Variants in VPS4B observed in about 807,000 individuals in gnomAD.
VPS4B encodes the protein vacuolar protein sorting 4 homolog B.
VPS4B carries 23 observed loss-of-function variants against 56.1 expected under a neutral mutation model. That is an observed-to-expected ratio of 0.41 (90% CI 0.30 to 0.58). The LOEUF is 0.58. Among genes scored for constraint, VPS4B ranks in the 20% least tolerant of loss-of-function variants. The pLI is 0.29. For missense variants in VPS4B, 372 were observed against 531.9 expected (o/e 0.70, Z 2.96); for synonymous variants, 177 against 186.0 (o/e 0.95, Z 0.39).
intron 2 of VPS4B, 110 bp from the exon 3 acceptor site, chr18:63,410,556 G>A (rs1916017760): frequency 7.3e-7 from 1 of 1,372,492 alleles, no homozygotes; most frequent in African/African-American, 1.5e-5. Flanking sequence ...TTGGAAGAAG[G>A]AGGGAAGATC....
intron 3 of VPS4B, 73 bp downstream of exon 3, chr18:63,410,217 G>C: frequency 3.8e-6 from 6 of 1,581,912 alleles, no homozygotes; most frequent in Non-Finnish European, 5.1e-6. Flanking sequence ...GCTGACACCT[G>C]TTTTAATCAA....
In VPS4B at chr18:63,422,357, G is replaced by C. The variant is rs1310761100; in HGVS notation, c.-98C>G. The C allele has an allele frequency of 5.7e-6, 7 of 1,226,534 alleles. No homozygotes were observed. The African/African-American group carries it at 9.5e-5, about 17-fold the overall frequency. 76.0% of individuals were successfully genotyped at this position (1,226,534 alleles called of 1,614,324 possible). On this transcript the variant is annotated 5_prime_UTR_variant, in exon 1 of 11. Coordinates refer to ENST00000238497, the MANE Select transcript of VPS4B (RefSeq NM_004869.4). ...ACGGGGTAACAGCCCTCAAACTGGG[G>C]AGGCCGGTGGTTCTCGGACCGCGAA...
At chr18:63,402,612 A>G (rs1188511707) in intron 5 of VPS4B, among the ~76,000 whole-genome samples, 1 of 152,260 alleles carries the variant, frequency 6.6e-6, no homozygotes, top group African/African-American at 2.4e-5. Flanking sequence ...AAAATTAGTA[A>G]TGGTACACAT....
rs1915488972 is a variant in VPS4B, at chr18:63,389,257, T to C, written c.*1718A>G. 1 of 152,282 alleles carries C rather than the reference T, an allele frequency of 6.6e-6. No homozygotes were observed. The highest frequency in any genetic ancestry group is 2.1e-4 in the South Asian group (1 of 4,828). The allele number at this position is 152,282 out of a possible 1,614,324, so 9.4% of individuals were successfully genotyped here. On this transcript the variant is annotated 3_prime_UTR_variant, in exon 11 of 11. Transcript: ENST00000238497. Reference sequence around the variant, plus strand: ...TAACCAATTTAGGTAATATTTTCTTTTACACAGAAGGTCCCAAAATAAAGA... The same window carrying C: ...TAACCAATTTAGGTAATATTTTCTTCTACACAGAAGGTCCCAAAATAAAGA...
chr18:63,400,779 G>GA, intron 5 of VPS4B, 76 bp from the exon 6 acceptor site: 1 of 1,404,118 alleles, frequency 7.1e-7, no homozygotes, highest in Non-Finnish European at 9.7e-7. Flanking sequence ...GAATACTCTG[G>GA]AAAGATTTTC....
Position 63,403,781 on chromosome 18 carries a change from G to A in VPS4B, c.410C>T (p.Ala137Val), listed in dbSNP as rs753435564. The change falls in exon 5 of 11, where the codon GCT becomes GTT. Residue 137 changes from alanine (A) to valine (V), a missense_variant. This residue lies in a region of VPS4B where 153 missense variants were observed against 190.3 expected (regional missense o/e 0.80). Coordinates refer to ENST00000238497, the MANE Select transcript of VPS4B (RefSeq NM_004869.4). ...TGCTTCTTTGGCTCCTTCAAGTCCA[G>A]CAACGTCACTCCATTTCACATTTGG... ...ERPNVKWSDV[A>V]GLEGAKEALK... 3.1e-6 allele frequency: 5 copies of A among 1,613,122 alleles called. No homozygotes were observed. The Admixed American group carries it at 8.3e-5, about 27-fold the overall frequency.
rs1165356264 is a variant in VPS4B at position 63,400,121 on chromosome 18, G to A, written c.717C>T (p.Leu239=). The change falls in exon 7 of 11, where the codon CTC becomes CTT. Residue 239 remains leucine, a synonymous_variant. Coordinates refer to ENST00000238497, the MANE Select transcript of VPS4B (RefSeq NM_004869.4). ...SIIFIDEIDS[L]CGSRSENESE... The stretch of plus-strand genomic sequence containing the variant: ...TTTCATTTTCACTTCTTGAACCACA[G>A]AGAGAATCAATTTCATCAATGAAGA... The A allele has an allele frequency of 3.7e-6, 6 of 1,613,584 alleles. No homozygotes were observed. The highest frequency in any genetic ancestry group is 4.2e-6 in the Non-Finnish European group (5 of 1,179,878).
At chr18:63,396,154 C>T (rs1335315421) in intron 9 of VPS4B, among the ~76,000 whole-genome samples, 1 of 152,074 alleles carries the variant, frequency 6.6e-6, no homozygotes, top group African/African-American at 2.4e-5. Context: ...AGCAGCCTTA[C>T]ATCTGTACAT....
chr18:63,419,089 C>T (rs1916233416), intron 1 of VPS4B, among the ~76,000 whole-genome samples: 1 of 152,136 alleles, frequency 6.6e-6, no homozygotes, highest in African/African-American at 2.4e-5. Context: ...ACCCAGAAAT[C>T]TGGGAGAAAA....
At chr18:63,409,033 C>A (rs1915976332) in intron 3 of VPS4B, among the ~76,000 whole-genome samples, 1 of 152,132 alleles carries the variant, frequency 6.6e-6, no homozygotes, top group African/African-American at 2.4e-5. Flanking sequence ...CTGTTTTATA[C>A]CAAATGTCCT....
chr18:63,406,022 C>T (rs1416449465), intron 4 of VPS4B, among the ~76,000 whole-genome samples: 3 of 152,016 alleles, frequency 2.0e-5, no homozygotes, highest in South Asian at 2.1e-4. Flanking sequence ...TGTATCTTTT[C>T]GAAAATTAAA....
At chr18:63,404,829 T>C (rs940754047) in intron 4 of VPS4B, 1 of 152,190 alleles carries the variant, frequency 6.6e-6, no homozygotes, top group South Asian at 2.1e-4. Flanking sequence ...GACTAGTTAC[T>C]AGCAACTTAC....
intron 1 of VPS4B, among the ~76,000 whole-genome samples, chr18:63,418,415 AT>A (rs879324994): frequency 3.0e-3 from 431 of 143,854 alleles, no homozygotes; most frequent in Middle Eastern, 3.6e-3. Context: ...TAGTTTTAGT[AT>A]TTTTTTTTTT....
chr18:63,414,840 C>T (rs1257632596), intron 1 of VPS4B, among the ~76,000 whole-genome samples: 1 of 152,230 alleles, frequency 6.6e-6, no homozygotes, highest in East Asian at 1.9e-4. Flanking sequence ...TTCAGTCAGG[C>T]CTCACTGAGG....
At chr18:63,399,393 C>CT in intron 7 of VPS4B, 70 bp from the exon 8 acceptor site, 1 of 1,372,436 alleles carries the variant, frequency 7.3e-7, no homozygotes, top group East Asian at 2.3e-5. Flanking sequence ...TCCATATATT[C>CT]TGTTAAGAAA....
At chr18:63,397,360 T>C (rs1158513304) in intron 8 of VPS4B, 107 bp from the exon 9 acceptor site, 1 of 1,018,268 alleles carries the variant, frequency 9.8e-7, no homozygotes, top group Non-Finnish European at 1.4e-6. Flanking sequence ...AGGTTAAACA[T>C]ATATATTTAG....
chr18:63,411,474 G>A lies in VPS4B; in HGVS notation c.132C>T (p.Val44=), dbSNP rs940686191. 10 of 1,548,766 alleles carry A rather than the reference G, an allele frequency of 6.5e-6. No homozygotes were observed. In the African/African-American group the frequency reaches 8.2e-5, roughly 13 times the overall value. Residue 44 remains valine (V), a synonymous_variant, in exon 2 of 11, where the codon GTC becomes GTT. Transcript: ENST00000238497. ...TATAACCTATGGCCTCACATTTAACGACATGAAGAAAATACTGCACAGCAT... is the reference window on the plus strand; with the variant it reads ...TATAACCTATGGCCTCACATTTAACAACATGAAGAAAATACTGCACAGCAT... The part of the protein sequence containing the change: ...YQHAVQYFLH[V]VKYEAQGDKA...
At position 63,410,291 on chromosome 18, in the gene VPS4B, C is replaced by A; in HGVS notation, c.295G>T (p.Gly99Trp). ...AATTGAACAATTTTAAACACGTACC[C>A]CTTCTCATCTGCTGGACTCGGCTGT... is the stretch of plus-strand genomic sequence containing the variant. ...EGQPSPADEK[G>W]NDSDGEGESD... Residue 99 changes from glycine to tryptophan, a missense_variant and splice_region_variant, in exon 3 of 11, where the codon GGG becomes TGG. Gly to Trp is a radical substitution (Grantham distance 184, BLOSUM62 -2). Transcript: ENST00000238497. 1 of 1,613,136 alleles carries A rather than the reference C, an allele frequency of 6.2e-7. No individual in the cohort carries two copies. Among genetic ancestry groups the A allele is most frequent in the Non-Finnish European group, 8.5e-7 (1 of 1,179,884 alleles).
intron 1 of VPS4B, among the ~76,000 whole-genome samples, chr18:63,412,067 C>T (rs181695101): frequency 6.6e-6 from 1 of 152,276 alleles, no homozygotes; most frequent in Admixed American, 6.5e-5. Context: ...GAAAAATACT[C>T]ATATATTTCA....
Sources: allele counts gnomAD v4.1 joint callset (sites outside exome capture counted in the v4.1 genomes callset), GRCh38; gene constraint gnomAD v4.1.1; regional missense constraint gnomAD v4.1.1; transcripts MANE v1.5; gene names NCBI Gene and HGNC (gene_info 2026-07-23, HGNC 2026-07-21).